Variants in TENM2 observed in about 807,000 individuals in gnomAD.
TENM2 encodes teneurin transmembrane protein 2.
A neutral mutation model predicts 245.2 loss-of-function variants in TENM2; 52 were observed. That is an observed-to-expected ratio of 0.21 (90% CI 0.17 to 0.27). The LOEUF is 0.27. Among genes scored for constraint, TENM2 ranks in the 10% least tolerant of loss-of-function variants. The pLI, the probability that TENM2 is intolerant of heterozygous loss-of-function variation, is 1.00. For synonymous variants in TENM2, 1,363 were observed against 1,438.9 expected, an observed-to-expected ratio of 0.95 and a Z score of 1.19; for missense variants, 3,046 against 3,666.8, an observed-to-expected ratio of 0.83 and a Z score of 4.37.
chr5:167,204,730 C>T, the TENM2 span, among the ~76,000 whole-genome samples: 1 of 152,150 alleles, frequency 6.6e-6, no homozygotes, highest in Middle Eastern at 3.2e-3. Context: ...AGATTAGAGT[C>T]CTATTTGACA....
At chr5:167,478,990 A>ATATGTGTGTGTGTGTG (rs1554163338) in intron 2 of TENM2, among the ~76,000 whole-genome samples, 16 of 151,252 alleles carry the variant, frequency 1.1e-4, no homozygotes, top group African/African-American at 3.6e-4. Flanking sequence ...CTTTATATAT[A>ATATGTGTGTGTGTGTG]TGTGTGTGTG....
In TENM2 at chr5:168,244,338, A is replaced by G. The variant is rs1766359556; in HGVS notation, c.5521-82A>G. The G allele has an allele frequency of 1.7e-6, 2 of 1,198,256 alleles. No individual in the cohort carries two copies. Among genetic ancestry groups the G allele is most frequent in the South Asian group, 4.0e-5 (2 of 50,436 alleles). The allele number at this position is 1,198,256 out of a possible 1,614,324, so 74.2% of individuals were successfully genotyped here. On this transcript the variant is annotated intron_variant, in intron 25 of 28. Transcript: ENST00000518659. This position sits in a 1 kb window ranked among gnomAD's most constrained non-coding sequence, Gnocchi z 4.9. ...TCCAGTGAACACTTAAGCCCTGGCC[A>G]TGCCAGCCATGTCCTCCACAGAAGC...
intron 2 of TENM2, among the ~76,000 whole-genome samples, chr5:167,613,150 T>G (rs766096132): frequency 6.6e-6 from 1 of 152,146 alleles, no homozygotes; most frequent in South Asian, 2.1e-4. Context: ...CATGTTCTGG[T>G]GTCAGATCGT....
intron 7 of TENM2, among the ~76,000 whole-genome samples, chr5:168,083,296 T>C (rs1174341929): frequency 1.3e-5 from 2 of 152,172 alleles, no homozygotes; most frequent in Non-Finnish European, 2.9e-5. Flanking sequence ...CTAAGACCAT[T>C]GGAAAAGCGC....
At chr5:167,787,167 G>T (rs528829123) in intron 2 of TENM2, among the ~76,000 whole-genome samples, 5 of 152,278 alleles carry the variant, frequency 3.3e-5, no homozygotes, top group Non-Finnish European at 5.9e-5. Context: ...GAGATGGGGG[G>T]ACTGGGAGAA....
the TENM2 span, among the ~76,000 whole-genome samples, chr5:167,261,366 G>C: frequency 6.6e-6 from 1 of 152,102 alleles, no homozygotes; most frequent in Non-Finnish European, 1.5e-5. Flanking sequence ...AAACTGGGGA[G>C]AATAGTCATT....
At chr5:168,135,268 G>A (rs1016300291) in intron 12 of TENM2, among the ~76,000 whole-genome samples, 4 of 151,734 alleles carry the variant, frequency 2.6e-5, no homozygotes, top group Non-Finnish European at 1.5e-5. Flanking sequence ...CATCTCCTGG[G>A]TTATCTGCAG....
chr5:167,690,315 A>C (rs1350850293), intron 2 of TENM2, among the ~76,000 whole-genome samples: 1 of 152,090 alleles, frequency 6.6e-6, no homozygotes, highest in East Asian at 1.9e-4. Flanking sequence ...CAGAAGAGGA[A>C]AGTGAGGTTC....
chr5:168,006,733 C>T (rs902581331), intron 5 of TENM2, among the ~76,000 whole-genome samples: 1 of 152,130 alleles, frequency 6.6e-6, no homozygotes, highest in Non-Finnish European at 1.5e-5. Flanking sequence ...TGCCTGCGGT[C>T]GTATTAACCA....
chr5:167,148,923 G>A, the TENM2 span, among the ~76,000 whole-genome samples: 230 of 152,148 alleles, frequency 1.5e-3, no homozygotes, highest in Non-Finnish European at 2.4e-3. Context: ...AGAGTGGTAG[G>A]CTTGTGAGTA....
At chr5:167,421,975 A>G (rs1763533246) in intron 2 of TENM2, among the ~76,000 whole-genome samples, 1 of 152,098 alleles carries the variant, frequency 6.6e-6, no homozygotes, top group African/African-American at 2.4e-5. Flanking sequence ...TATTTTTAGT[A>G]GAGACGGAGT....
intron 3 of TENM2, among the ~76,000 whole-genome samples, chr5:167,895,796 A>G (rs936090889): frequency 2.0e-5 from 3 of 152,234 alleles, no homozygotes; most frequent in African/African-American, 4.8e-5. Flanking sequence ...GATCTTTGCA[A>G]TAATGTTATT....
chr5:167,801,109 A>AAATAT (rs1444227809), intron 2 of TENM2, among the ~76,000 whole-genome samples: 3 of 66,552 alleles, frequency 4.5e-5, no homozygotes, highest in Admixed American at 2.2e-4. Context: ...AAAAAAAAAA[A>AAATAT]ATATATATAT....
rs528056943 is a variant in TENM2 at position 167,842,257 on chromosome 5, TAAAAAC to T, written c.503-33711_503-33706del. ...CAGAGCTTTACAAGCTGCCTGTGAT[TAAAAAC>T]AAAAACAAAAACAAAAAAACAAAAC... On this transcript the variant is annotated intron_variant, in intron 2 of 28. Transcript: ENST00000518659. 2.8e-3 allele frequency among the ~76,000 whole-genome samples: 425 copies of T among 151,738 alleles called. 3 individuals are homozygous for T. The highest frequency in any genetic ancestry group is 3.7e-3 in the Admixed American group (56 of 15,194).
At chr5:167,365,905 A>G (rs1261160584) in intron 1 of TENM2, among the ~76,000 whole-genome samples, 1 of 152,050 alleles carries the variant, frequency 6.6e-6, no homozygotes, top group Non-Finnish European at 1.5e-5. Context: ...AATGTATAGC[A>G]TGAAATGCTT....
rs1055713834 is a variant in TENM2 at position 167,375,621 on chromosome 5, A to T, written c.502+148A>T. The T allele has an allele frequency of 3.8e-6, 3 of 789,950 alleles. No homozygotes were observed. In the African/African-American group the frequency reaches 5.3e-5, roughly 14 times the overall value. 48.9% of individuals were successfully genotyped at this position (789,950 alleles called of 1,614,324 possible). A position where few individuals can be genotyped will look rare whatever the true frequency, so the allele number is the denominator to read the frequency against. ...GTCTACCCAGTGTGAGCTGGGGGGA[A>T]GTAAACCAGCAACCCTCCAGCACAC... On this transcript the variant is annotated intron_variant, in intron 2 of 28. Transcript: ENST00000518659.
At chr5:167,430,005 G>C (rs1764119679) in intron 2 of TENM2, among the ~76,000 whole-genome samples, 1 of 152,094 alleles carries the variant, frequency 6.6e-6, no homozygotes, top group Non-Finnish European at 1.5e-5. Context: ...TGAATGTGGA[G>C]TGCTGGTAGA....
chr5:168,093,635 CA>C (rs1050277779), intron 8 of TENM2, among the ~76,000 whole-genome samples: 3 of 152,208 alleles, frequency 2.0e-5, no homozygotes, highest in African/African-American at 7.2e-5. Flanking sequence ...CTTTCAGAAA[CA>C]AGTTTCTTCT....
intron 1 of TENM2, among the ~76,000 whole-genome samples, chr5:167,299,539 G>A (rs1755180016): frequency 6.6e-6 from 1 of 152,218 alleles, no homozygotes; most frequent in South Asian, 2.1e-4. Flanking sequence ...ATGGAACACT[G>A]AGAAGTTATT....
Sources: allele counts gnomAD v4.1 joint callset (sites outside exome capture counted in the v4.1 genomes callset), GRCh38; gene constraint gnomAD v4.1.1; non-coding constraint Gnocchi (gnomAD v3.1); transcripts MANE v1.5; gene names NCBI Gene and HGNC (gene_info 2026-07-23, HGNC 2026-07-21).